The following CLIP1 variants were observed in gnomAD, a reference collection of about 807,000 sequenced individuals.
The protein encoded by CLIP1 is CAP-Gly domain containing linker protein 1, also known as CAP-Gly domain-containing linker protein 1.
CLIP1 carries 66 observed loss-of-function variants against 161.6 expected under a neutral mutation model. The observed-to-expected ratio is 0.41, with a 90% CI of 0.33 to 0.50. CLIP1 has a LOEUF of 0.50. Among genes scored for constraint, CLIP1 ranks in the 20% least tolerant of loss-of-function variants. The pLI, the probability that CLIP1 is intolerant of heterozygous loss-of-function variation, is 0.27. For synonymous variants in CLIP1, 598 were observed against 626.2 expected (o/e 0.96, Z 0.67); for missense variants, 1,376 against 1,702.0 (o/e 0.81, Z 3.37).
At chr12:122,329,931 A>G (rs1951870180) in intron 15 of CLIP1, among the ~76,000 whole-genome samples, 1 of 152,118 alleles carries the variant, frequency 6.6e-6, no homozygotes, top group Non-Finnish European at 1.5e-5. Context: ...CAGCCTGACC[A>G]ACATAGAGAA....
intron 15 of CLIP1, among the ~76,000 whole-genome samples, chr12:122,331,405 C>G (rs1951960617): frequency 6.6e-6 from 1 of 151,924 alleles, no homozygotes; most frequent in Admixed American, 6.6e-5. Context: ...ACCTCCGCCT[C>G]CTGGGTTCAA....
At chr12:122,330,204 G>C (rs2136251129) in intron 15 of CLIP1, among the ~76,000 whole-genome samples, 1 of 152,202 alleles carries the variant, frequency 6.6e-6, no homozygotes, top group South Asian at 2.1e-4. Context: ...GGAAACTTGG[G>C]GGGCACTTCT....
intron 17 of CLIP1, chr12:122,324,064 T>C (rs1042109690): frequency 2.0e-5 from 3 of 152,670 alleles, no homozygotes; most frequent in African/African-American, 7.2e-5. Flanking sequence ...CTTTAAGCAA[T>C]TTCTCTCTCT....
intron 3 of CLIP1, among the ~76,000 whole-genome samples, chr12:122,370,674 G>A (rs1191917632): frequency 6.6e-6 from 1 of 152,102 alleles, no homozygotes. Flanking sequence ...AACAAAAGAT[G>A]CACAATTATG....
intron 1 of CLIP1, among the ~76,000 whole-genome samples, chr12:122,392,463 AGAGT>A (rs1955700294): frequency 6.6e-6 from 1 of 152,190 alleles, no homozygotes; most frequent in Admixed American, 6.5e-5. Flanking sequence ...GTGGTAGAAG[AGAGT>A]GAGTGAGTTA....
intron 12 of CLIP1, among the ~76,000 whole-genome samples, chr12:122,336,401 G>A (rs918557321): frequency 3.2e-5 from 4 of 124,994 alleles, no homozygotes; most frequent in South Asian, 2.9e-4. Flanking sequence ...TACCAAAGGC[G>A]AAGGGATAGA....
chr12:122,272,609 G>T lies in CLIP1; in HGVS notation c.*266C>A, dbSNP rs977093567. ...CTACAAGGTCGGGGGGCCAATAAAT[G>T]TAATGGCATCTGGTGCAATGTCTTC... On this transcript the variant is annotated 3_prime_UTR_variant, in exon 26 of 26. Coordinates refer to ENST00000620786, the MANE Select transcript of CLIP1 (RefSeq NM_001247997.2). 9.6e-6 allele frequency: 4 copies of T among 417,852 alleles called. No homozygotes were observed. The Admixed American group carries it at 1.1e-4, about 12-fold the overall frequency. The allele number at this position is 417,852 out of a possible 1,614,324, so 25.9% of individuals were successfully genotyped here.
At chr12:122,374,106 G>A (rs1954593001) in intron 3 of CLIP1, among the ~76,000 whole-genome samples, 7 of 152,058 alleles carry the variant, frequency 4.6e-5, no homozygotes, top group Admixed American at 4.6e-4. Context: ...GGGAGGCCAA[G>A]GAGAGCGGAT....
At chr12:122,282,169 G>A (rs1955673256) in intron 21 of CLIP1, among the ~76,000 whole-genome samples, 2 of 152,158 alleles carry the variant, frequency 1.3e-5, no homozygotes, top group South Asian at 4.1e-4. Context: ...CAAATGACAG[G>A]ATAAGTAGAC....
chr12:122,422,719 C>T (rs1257976443), upstream of CLIP1: 4 of 99,420 alleles, frequency 4.0e-5, no homozygotes, highest in African/African-American at 1.1e-4. Context: ...CCGCCGCGCC[C>T]GCCCGGCCGG....
intron 1 of CLIP1, among the ~76,000 whole-genome samples, chr12:122,390,461 G>A (rs1295610773): frequency 1.3e-5 from 2 of 150,818 alleles, no homozygotes; most frequent in Non-Finnish European, 3.0e-5. Context: ...ACAGGTATGC[G>A]CCACCACGCC....
intron 17 of CLIP1, among the ~76,000 whole-genome samples, chr12:122,320,202 G>A (rs1951435092): frequency 6.6e-6 from 1 of 151,710 alleles, no homozygotes; most frequent in Admixed American, 6.6e-5. Flanking sequence ...GGGAGGCGGA[G>A]GTTGCAGTGA....
intron 9 of CLIP1, among the ~76,000 whole-genome samples, chr12:122,348,132 G>T (rs1952836830): frequency 6.6e-6 from 1 of 152,116 alleles, no homozygotes; most frequent in Non-Finnish European, 1.5e-5. Context: ...GGGTGAGAAG[G>T]GTCTGAGTTA....
intron 1 of CLIP1, among the ~76,000 whole-genome samples, chr12:122,403,803 A>G (rs1429802718): frequency 2.6e-5 from 4 of 151,952 alleles, no homozygotes; most frequent in African/African-American, 9.7e-5. Flanking sequence ...TTACCACATG[A>G]GCCACCGTGC....
chr12:122,289,805 G>GTTTTTTTT (rs11286847), intron 20 of CLIP1, among the ~76,000 whole-genome samples: 1 of 136,772 alleles, frequency 7.3e-6, no homozygotes, highest in Non-Finnish European at 1.6e-5. Flanking sequence ...CACTGTTAAT[G>GTTTTTTTT]TTTTTTTTTT....
chr12:122,338,631 C>T (rs10160893), intron 11 of CLIP1, among the ~76,000 whole-genome samples: 1,774 of 152,174 alleles, frequency 0.012, 24 homozygotes, highest in Admixed American at 0.033. Context: ...GCAGGAGAAT[C>T]GCTTGAACCT....
chr12:122,296,366 C>G (rs1950467145), intron 20 of CLIP1, among the ~76,000 whole-genome samples: 1 of 152,096 alleles, frequency 6.6e-6, no homozygotes, highest in South Asian at 2.1e-4. Flanking sequence ...ATAAACATGA[C>G]TTTGAGAAAA....
Position 122,293,002 on chromosome 12 carries a change from C to CAAAAA in CLIP1, c.3595-4466_3595-4462dup, listed in dbSNP as rs57326141. Among the ~76,000 whole-genome samples the CAAAAA allele has an allele frequency of 3.6e-3, 155 of 43,558 alleles. 9 individuals carry two copies. Among genetic ancestry groups the CAAAAA allele is most frequent in the African/African-American group, 0.017 (149 of 8,808 alleles). The allele number at this position is 43,558 out of a possible 152,430, so 28.6% of individuals were successfully genotyped here. A position where few individuals can be genotyped will look rare whatever the true frequency, so the allele number is the denominator to read the frequency against. On this transcript the variant is annotated intron_variant, in intron 20 of 25. Coordinates refer to ENST00000620786, the MANE Select transcript of CLIP1 (RefSeq NM_001247997.2). ...TGGGCAAAAGAGCAAGACTCTGTCT[C>CAAAAA]AAAAAAAAAAAAAAAAAAAAGGCAA... is the stretch of plus-strand genomic sequence containing the variant.
intron 1 of CLIP1, chr12:122,400,263 T>C (rs1956095950): frequency 6.6e-6 from 1 of 152,154 alleles, no homozygotes; most frequent in Admixed American, 6.6e-5. Context: ...ATAAATAAGA[T>C]TGAAGGGCAT....
Sources: gnomAD v4.1 joint callset for allele counts (sites outside exome capture counted in the v4.1 genomes callset) on GRCh38, gnomAD v4.1.1 for gene constraint, MANE v1.5 for transcripts, NCBI Gene and HGNC (gene_info 2026-07-23, HGNC 2026-07-21) for gene names.